HK1: variants seen among roughly 807,000 people sequenced by gnomAD.
HK1 encodes the protein hexokinase-1.
Under a neutral mutation model 91.6 loss-of-function variants are expected in HK1, and 28 were observed. That is an observed-to-expected ratio of 0.31 (90% CI 0.23 to 0.42). The LOEUF is 0.42. Among genes scored for constraint, HK1 ranks in the 10% least tolerant of loss-of-function variants. HK1 has a pLI of 1.00. For synonymous variants in HK1, 430 were observed against 468.1 expected (o/e 0.92, Z 1.05); for missense variants, 770 against 1,219.8 (o/e 0.63, Z 5.49).
At chr10:69,288,385 G>A (rs1845128641) in intron 2 of HK1, among the ~76,000 whole-genome samples, 1 of 152,094 alleles carries the variant, frequency 6.6e-6, no homozygotes, top group Non-Finnish European at 1.5e-5. Context: ...GAAGTGGGAG[G>A]TTTGCTTGAG....
intron 14 of HK1, among the ~76,000 whole-genome samples, chr10:69,390,280 C>T (rs369912400): frequency 6.6e-6 from 1 of 152,228 alleles, no homozygotes; most frequent in East Asian, 1.9e-4. Context: ...AAATGCAAAG[C>T]TAGAGTGACA....
At chr10:69,398,270 A>G (rs1840229448) in intron 16 of HK1, among the ~76,000 whole-genome samples, 2 of 152,258 alleles carry the variant, frequency 1.3e-5, no homozygotes, top group Non-Finnish European at 2.9e-5. Flanking sequence ...TGAAACAGGA[A>G]AGAGAAAGAA....
intron 1 of HK1, among the ~76,000 whole-genome samples, chr10:69,279,774 G>T (rs1237876373): frequency 6.6e-6 from 1 of 152,186 alleles, no homozygotes; most frequent in African/African-American, 2.4e-5. Context: ...CTGGGTCACA[G>T]TTAGGAATCA....
chr10:69,390,172 A>T (rs974209831), intron 14 of HK1, among the ~76,000 whole-genome samples: 4 of 152,182 alleles, frequency 2.6e-5, no homozygotes, highest in South Asian at 2.1e-4. Flanking sequence ...TTGAAATTTT[A>T]AAAAACCTAG....
intron 7 of HK1, among the ~76,000 whole-genome samples, chr10:69,371,442 T>C (rs1050776399): frequency 6.6e-6 from 1 of 151,952 alleles, no homozygotes; most frequent in Non-Finnish European, 1.5e-5. Flanking sequence ...CAGGCACCTC[T>C]GGAGGTATTC....
intron 1 of HK1, among the ~76,000 whole-genome samples, chr10:69,280,796 G>C (rs1343770210): frequency 1.3e-5 from 2 of 152,186 alleles, no homozygotes; most frequent in East Asian, 3.9e-4. Flanking sequence ...CCTAGCCAAT[G>C]GTAATTTGTT....
In HK1 at chr10:69,384,490, A is replaced by T; in HGVS notation, c.1719+9A>T. The stretch of plus-strand genomic sequence containing the variant: ...AGGGCACTGGGGAAGAGGTGAGATT[A>T]CAAAACCATAGTGCATGTGCACTGC... On this transcript the variant is annotated intron_variant, in intron 11 of 17. Coordinates refer to ENST00000359426, the MANE Select transcript of HK1 (RefSeq NM_000188.3). 6.2e-7 allele frequency: 1 copy of T among 1,614,204 alleles called. No homozygotes were observed. The highest frequency in any genetic ancestry group is 8.5e-7 in the Non-Finnish European group (1 of 1,180,022).
chr10:69,352,809 C>T (rs1339340101), intron 2 of HK1, among the ~76,000 whole-genome samples: 3 of 152,048 alleles, frequency 2.0e-5, no homozygotes, highest in East Asian at 1.9e-4. Flanking sequence ...GTGATGGTTG[C>T]ACAACTCTGT....
intron 4 of HK1, 81 bp from the exon 5 acceptor site, chr10:69,368,455 C>A: frequency 1.6e-6 from 2 of 1,243,178 alleles, no homozygotes; most frequent in Non-Finnish European, 2.4e-6. Flanking sequence ...TGCTTCATCC[C>A]TGTCCTGGAG....
intron 1 of HK1, among the ~76,000 whole-genome samples, chr10:69,270,467 T>C (rs1324727640): frequency 6.6e-6 from 1 of 151,782 alleles, no homozygotes; most frequent in Non-Finnish European, 1.5e-5. Flanking sequence ...CCTGTAATCC[T>C]AGCTACTCGG....
chr10:69,313,661 C>A (rs941051097), upstream of HK1, among the ~76,000 whole-genome samples: 3 of 151,936 alleles, frequency 2.0e-5, no homozygotes, highest in Non-Finnish European at 2.9e-5. Flanking sequence ...CCATGCCTGG[C>A]TAATTTTGTA....
chr10:69,400,909 C>T (rs1043886641), intron 17 of HK1, 82 bp from the exon 18 acceptor site: 1 of 1,417,312 alleles, frequency 7.1e-7, no homozygotes, highest in East Asian at 2.3e-5. Context: ...AGTCAGGGGG[C>T]TGTCTGTGCT....
rs575911692 is a variant in HK1, at chr10:69,395,363, G to A, written c.2375+258G>A. 7.2e-5 allele frequency among the ~76,000 whole-genome samples: 11 copies of A among 152,104 alleles called. No individual in the cohort carries two copies. In the East Asian group the frequency reaches 1.6e-3, roughly 21 times the overall value. ...GAGGCCGAGGCAGGCGGATCATGAG[G>A]TCAGGAGATTTGAGACCATCCTGGC... On this transcript the variant is annotated intron_variant, in intron 16 of 17. Coordinates refer to ENST00000359426, the MANE Select transcript of HK1 (RefSeq NM_000188.3).
chr10:69,293,484 C>T (rs1215701230), intron 3 of HK1, among the ~76,000 whole-genome samples: 1 of 152,226 alleles, frequency 6.6e-6, no homozygotes, highest in East Asian at 1.9e-4. Context: ...CCTTGAAACC[C>T]TTCTCTGTAT....
intron 1 of HK1, among the ~76,000 whole-genome samples, chr10:69,329,616 C>T (rs1251473669): frequency 6.6e-6 from 1 of 152,220 alleles, no homozygotes; most frequent in Non-Finnish European, 1.5e-5. Flanking sequence ...GATGACCACA[C>T]AACTCATGAA....
At chr10:69,311,761 C>T (rs566828728), upstream of HK1, among the ~76,000 whole-genome samples, 2 of 152,192 alleles carry the variant, frequency 1.3e-5, no homozygotes, top group South Asian at 2.1e-4. Context: ...CTCAGCCTCC[C>T]GAGTAGCTGG....
At position 69,276,118 on chromosome 10, in the gene HK1, A is replaced by AAAAAATATATATATATAT; in HGVS notation, c.-391+6011_-391+6012insAAAATATATATATATATA. 1.2e-3 allele frequency among the ~76,000 whole-genome samples: 45 copies of AAAAAATATATATATATAT among 38,254 alleles called. 6 individuals carry two copies. Among genetic ancestry groups the AAAAAATATATATATATAT allele is most frequent in the East Asian group, 2.9e-3 (2 of 696 alleles). The allele number at this position is 38,254 out of a possible 152,430, so 25.1% of individuals were successfully genotyped here. On this transcript the variant is annotated intron_variant, in intron 1 of 21. Transcript: ENST00000360289. ...AAAAAAAAAAAAAAAAAAAAAAAAA[A>AAAAAATATATATATATAT]ATACATATATATATATATATACACA... is the stretch of plus-strand genomic sequence containing the variant.
rs1589598920 is a variant in HK1, at chr10:69,401,661, G to A, written c.*526G>A. On this transcript the variant is annotated 3_prime_UTR_variant, in exon 18 of 18. Coordinates refer to ENST00000359426, the MANE Select transcript of HK1 (RefSeq NM_000188.3). ...CTGTGGCCTGGCATCGCATCGTGGT[G>A]TGTCAATGCCACAAAATCGTGTGTC... 6 of 344,932 alleles carry A rather than the reference G, an allele frequency of 1.7e-5. No homozygotes were observed. Among genetic ancestry groups the A allele is most frequent in the East Asian group, 1.9e-4 (2 of 10,656 alleles). 21.4% of individuals were successfully genotyped at this position (344,932 alleles called of 1,614,324 possible).
chr10:69,282,962 C>CAA (rs35376303), intron 2 of HK1, among the ~76,000 whole-genome samples: 10 of 138,560 alleles, frequency 7.2e-5, no homozygotes, highest in African/African-American at 2.5e-4. Context: ...ACTAAAAATA[C>CAA]AAAAAAAAAA....
Sources: gnomAD v4.1 joint callset for allele counts (sites outside exome capture counted in the v4.1 genomes callset) on GRCh38, gnomAD v4.1.1 for gene constraint, MANE v1.5 for transcripts, NCBI Gene and HGNC (gene_info 2026-07-23, HGNC 2026-07-21) for gene names.